The following FGF14 variants were observed in gnomAD, a reference collection of about 807,000 sequenced individuals.
FGF14 encodes fibroblast growth factor homologous factor 4.
A neutral mutation model predicts 25.5 loss-of-function variants in FGF14; 5 were observed. The observed-to-expected ratio is 0.20, with a 90% CI of 0.10 to 0.41. The LOEUF (loss-of-function observed/expected upper bound fraction) is 0.41, where lower values mean the gene tolerates loss of function less well. FGF14 is among the 10% of genes least tolerant of loss of function. The probability of loss-of-function intolerance (pLI) is 1.00; values close to 1 mark genes in which losing one functional copy is unlikely to be tolerated. For missense variants in FGF14, 222 were observed against 320.1 expected (o/e 0.69, Z 2.34); for synonymous variants, 138 against 118.3 (o/e 1.17, Z -1.08).
chr13:102,322,659 CATT>C (rs1477178370), intron 1 of FGF14, among the ~76,000 whole-genome samples: 1 of 152,158 alleles, frequency 6.6e-6, no homozygotes, highest in East Asian at 1.9e-4. Context: ...CAATTATCAT[CATT>C]GACTTGGCAA....
intron 1 of FGF14, among the ~76,000 whole-genome samples, chr13:102,158,576 T>G (rs9557823): frequency 2.0e-5 from 3 of 150,434 alleles, no homozygotes; most frequent in Admixed American, 6.6e-5. Context: ...TGTTAAATGA[T>G]GAGTTAATGG....
At chr13:101,973,044 C>T (rs192008593) in intron 1 of FGF14, among the ~76,000 whole-genome samples, 352 of 151,820 alleles carry the variant, frequency 2.3e-3, no homozygotes, top group African/African-American at 8.0e-3. Context: ...TAGCCTCCTT[C>T]ACTTAAAAAG....
At chr13:101,723,330 G>A (rs895132876) in intron 4 of FGF14, among the ~76,000 whole-genome samples, 1 of 151,688 alleles carries the variant, frequency 6.6e-6, no homozygotes, top group Non-Finnish European at 1.5e-5. Flanking sequence ...CTCAAAAAAA[G>A]AAAACTCAGA....
At chr13:102,257,750 G>C (rs2052522146) in intron 1 of FGF14, among the ~76,000 whole-genome samples, 1 of 152,106 alleles carries the variant, frequency 6.6e-6, no homozygotes, top group African/African-American at 2.4e-5. Flanking sequence ...ACAAGGAAAA[G>C]GGAGCGCTTC....
At chr13:101,848,946 A>T (rs2043604971) in intron 3 of FGF14, among the ~76,000 whole-genome samples, 1 of 152,046 alleles carries the variant, frequency 6.6e-6, no homozygotes, top group Non-Finnish European at 1.5e-5. Flanking sequence ...AAAAATTAAA[A>T]TGTTGGTATA....
chr13:101,842,712 C>T (rs1303345728), intron 3 of FGF14, among the ~76,000 whole-genome samples: 4 of 152,028 alleles, frequency 2.6e-5, no homozygotes, highest in African/African-American at 7.2e-5. Context: ...ACCAGCATGA[C>T]TCGGAGAGCA....
At chr13:102,357,104 A>G (rs1055000823) in intron 1 of FGF14, among the ~76,000 whole-genome samples, 18 of 139,564 alleles carry the variant, frequency 1.3e-4, no homozygotes, top group African/African-American at 4.5e-4. Flanking sequence ...ATTCTAACAC[A>G]GGCTACTTCC....
At chr13:102,071,509 A>G (rs767114798) in intron 1 of FGF14, among the ~76,000 whole-genome samples, 1 of 152,104 alleles carries the variant, frequency 6.6e-6, no homozygotes, top group Non-Finnish European at 1.5e-5. Context: ...GGTATTTTTT[A>G]TAATCATCAC....
intron 3 of FGF14, among the ~76,000 whole-genome samples, chr13:101,745,949 T>C (rs981358200): frequency 4.6e-5 from 7 of 152,074 alleles, no homozygotes; most frequent in African/African-American, 1.7e-4. Flanking sequence ...GGTTTCAGAC[T>C]GATTCATTTA....
chr13:102,205,984 T>TAAAAAAAAAA (rs36108366), intron 1 of FGF14, among the ~76,000 whole-genome samples: 3 of 47,462 alleles, frequency 6.3e-5, no homozygotes, highest in Non-Finnish European at 7.9e-5. Context: ...CTCCCTGTGG[T>TAAAAAAAAAA]AAAAAAAAAA....
At chr13:101,777,728 G>A (rs1246069400) in intron 3 of FGF14, among the ~76,000 whole-genome samples, 3 of 152,124 alleles carry the variant, frequency 2.0e-5, no homozygotes, top group Non-Finnish European at 2.9e-5. Flanking sequence ...CCAAAATGCC[G>A]AGGCGGGTGG....
intron 1 of FGF14, among the ~76,000 whole-genome samples, chr13:102,027,939 A>G (rs1212212172): frequency 1.3e-5 from 2 of 151,966 alleles, no homozygotes; most frequent in Non-Finnish European, 1.5e-5. Context: ...AGAGAAACCA[A>G]TAGAAGTTTA....
At chr13:102,389,069 AAG>A (rs1163305296) in intron 1 of FGF14, among the ~76,000 whole-genome samples, 5 of 152,162 alleles carry the variant, frequency 3.3e-5, no homozygotes, top group Non-Finnish European at 5.9e-5. Context: ...ACACACATTC[AAG>A]AGTCAACTTA....
intron 1 of FGF14, among the ~76,000 whole-genome samples, chr13:102,234,677 T>C (rs1173104737): frequency 6.6e-6 from 1 of 152,202 alleles, no homozygotes; most frequent in African/African-American, 2.4e-5. Flanking sequence ...TGTTCAGAAT[T>C]ATTCTCTCAA....
intron 1 of FGF14, among the ~76,000 whole-genome samples, chr13:102,034,360 C>T (rs1417659818): frequency 6.6e-6 from 1 of 152,142 alleles, no homozygotes; most frequent in Non-Finnish European, 1.5e-5. Context: ...GCATAGCTAT[C>T]AAGCAAGTGA....
chr13:101,975,356 A>G (rs1410238780), intron 1 of FGF14, among the ~76,000 whole-genome samples: 1 of 152,064 alleles, frequency 6.6e-6, no homozygotes, highest in African/African-American at 2.4e-5. Context: ...TCACCTGGTG[A>G]AATTCGCTTA....
In FGF14 at chr13:102,387,462, A is replaced by G. The variant is rs117199791; in HGVS notation, c.208+14009T>C. Among the ~76,000 whole-genome samples the G allele has an allele frequency of 4.9e-4, 74 of 152,344 alleles. 1 individual carries two copies. In the East Asian group the frequency reaches 0.014, roughly 29 times the overall value. The stretch of plus-strand genomic sequence containing the variant: ...CAGCATGCTGGAATTCTTACAGAAA[A>G]AATAATGGTCCAAACTGGTTAAAAA... On this transcript the variant is annotated intron_variant, in intron 1 of 4. Coordinates refer to the FGF14 transcript ENST00000376131.
rs976821383 is a variant in FGF14 at position 102,152,582 on chromosome 13, G to A, written c.208+248889C>T. ...TGCATTTTGGAGTATAGGGAGTGAG[G>A]ACTTCAACCTATGAATTTTAGGGGG... On this transcript the variant is annotated intron_variant, in intron 1 of 4. Coordinates refer to the FGF14 transcript ENST00000376131. Among the ~76,000 whole-genome samples, 3 of 152,222 alleles carry A rather than the reference G, an allele frequency of 2.0e-5. No individual in the cohort carries two copies. In the South Asian group the frequency reaches 6.2e-4, roughly 32 times the overall value.
intron 1 of FGF14, among the ~76,000 whole-genome samples, chr13:101,993,646 T>A (rs549349178): frequency 1.3e-5 from 2 of 152,188 alleles, no homozygotes; most frequent in African/African-American, 2.4e-5. Flanking sequence ...TAAACATTAC[T>A]TGTAAGAGTA....
Sources: gnomAD v4.1 joint callset for allele counts (sites outside exome capture counted in the v4.1 genomes callset) on GRCh38, gnomAD v4.1.1 for gene constraint, MANE v1.5 for transcripts, NCBI Gene and HGNC (gene_info 2026-07-23, HGNC 2026-07-21) for gene names.